ARHGAP15: variants seen among roughly 807,000 people sequenced by gnomAD.
ARHGAP15 encodes rho GTPase-activating protein 15.
In ARHGAP15, 51 loss-of-function variants were observed where a neutral mutation model predicts 63.7. The ratio of observed to expected loss-of-function variants is 0.80; its 90% CI spans 0.64 to 1.01. The LOEUF (loss-of-function observed/expected upper bound fraction) is 1.01, where lower values mean the gene tolerates loss of function less well. Ranked by LOEUF, ARHGAP15 falls within the 50% of genes least tolerant of loss-of-function variation. The pLI is 0.00. For missense variants in ARHGAP15, 560 were observed against 564.6 expected (o/e 0.99, Z 0.08); for synonymous variants, 191 against 193.8 (o/e 0.99, Z 0.12).
At chr2:143,696,079 CG>C (rs1683832428) in intron 12 of ARHGAP15, among the ~76,000 whole-genome samples, 1 of 152,052 alleles carries the variant, frequency 6.6e-6, no homozygotes, top group Non-Finnish European at 1.5e-5. Flanking sequence ...ATTTTACACT[CG>C]TTGATTTGTA....
intron 11 of ARHGAP15, among the ~76,000 whole-genome samples, chr2:143,570,172 T>A (rs1696394700): frequency 6.6e-6 from 1 of 152,204 alleles, no homozygotes; most frequent in Admixed American, 6.5e-5. Flanking sequence ...AGTAATCTAT[T>A]GTAATATAAT....
chr2:143,751,275 G>A (rs1222567218), intron 13 of ARHGAP15, among the ~76,000 whole-genome samples: 2 of 152,184 alleles, frequency 1.3e-5, no homozygotes, highest in Non-Finnish European at 2.9e-5. Flanking sequence ...ATCAGTCATT[G>A]GCCGTGGGCT....
chr2:143,747,686 T>A (rs1686222906), intron 13 of ARHGAP15, among the ~76,000 whole-genome samples: 1 of 152,196 alleles, frequency 6.6e-6, no homozygotes. Context: ...TTTAAGATTC[T>A]TCTTGTTCTT....
At chr2:143,591,765 G>A (rs958008807) in intron 11 of ARHGAP15, among the ~76,000 whole-genome samples, 7 of 151,836 alleles carry the variant, frequency 4.6e-5, no homozygotes, top group South Asian at 2.1e-4. Context: ...GATTACAGGT[G>A]CCTGCCGCCA....
intron 6 of ARHGAP15, among the ~76,000 whole-genome samples, chr2:143,352,969 T>G (rs1001436736): frequency 2.6e-5 from 4 of 152,192 alleles, no homozygotes; most frequent in African/African-American, 9.6e-5. Context: ...TTTACTTTAA[T>G]AAGTACATGA....
At chr2:143,402,664 A>C (rs1688033235) in intron 6 of ARHGAP15, among the ~76,000 whole-genome samples, 1 of 151,822 alleles carries the variant, frequency 6.6e-6, no homozygotes, top group South Asian at 2.1e-4. Context: ...GCAGATATGA[A>C]GAGACCACAA....
chr2:143,748,456 C>T (rs192865757), intron 13 of ARHGAP15, among the ~76,000 whole-genome samples: 1 of 152,190 alleles, frequency 6.6e-6, no homozygotes, highest in East Asian at 1.9e-4. Flanking sequence ...TTACTTGGCC[C>T]CACGATTATG....
intron 2 of ARHGAP15, among the ~76,000 whole-genome samples, chr2:143,185,049 T>C (rs1691387421): frequency 6.6e-6 from 1 of 152,144 alleles, no homozygotes; most frequent in South Asian, 2.1e-4. Context: ...ATTTCCTCAT[T>C]TTCCAAATGA....
chr2:143,387,586 C>G (rs1389142545), intron 6 of ARHGAP15, among the ~76,000 whole-genome samples: 3 of 152,024 alleles, frequency 2.0e-5, no homozygotes, highest in Admixed American at 1.3e-4. Context: ...GAAACAGATA[C>G]ACAGAGCAGG....
At chr2:143,166,143 G>A (rs1574036761) in intron 2 of ARHGAP15, among the ~76,000 whole-genome samples, 1 of 152,008 alleles carries the variant, frequency 6.6e-6, no homozygotes, top group African/African-American at 2.4e-5. Flanking sequence ...GTGACATCCC[G>A]ATTATTCTCA....
intron 6 of ARHGAP15, among the ~76,000 whole-genome samples, chr2:143,296,616 T>C (rs1265416030): frequency 6.6e-6 from 1 of 151,862 alleles, no homozygotes; most frequent in Non-Finnish European, 1.5e-5. Flanking sequence ...GAGATGGGGG[T>C]CTTACCAGCT....
chr2:143,738,577 G>A (rs1021915654), intron 13 of ARHGAP15, among the ~76,000 whole-genome samples: 1 of 152,166 alleles, frequency 6.6e-6, no homozygotes, highest in South Asian at 2.1e-4. Context: ...ATGTGAGATA[G>A]GTTCTCTGTA....
intron 6 of ARHGAP15, among the ~76,000 whole-genome samples, chr2:143,373,649 A>C (rs59075615): frequency 0.19 from 23,676 of 127,514 alleles, 2,846 homozygotes; most frequent in East Asian, 0.44. Context: ...AAAAAAAAAA[A>C]AAAAAAAAAA....
chr2:143,617,752 G>T (rs1304966573), intron 11 of ARHGAP15, among the ~76,000 whole-genome samples: 1 of 152,114 alleles, frequency 6.6e-6, no homozygotes, highest in Non-Finnish European at 1.5e-5. Context: ...GTCCTGGCTT[G>T]CCCCCAAGGA....
chr2:143,233,511 C>T (rs939920502), intron 5 of ARHGAP15, among the ~76,000 whole-genome samples: 28 of 151,816 alleles, frequency 1.8e-4, no homozygotes, highest in African/African-American at 6.8e-4. Context: ...TTTCTCATTA[C>T]CTTTGTTTTT....
intron 6 of ARHGAP15, among the ~76,000 whole-genome samples, chr2:143,277,436 T>C (rs967126512): frequency 1.3e-5 from 2 of 151,916 alleles, no homozygotes; most frequent in African/African-American, 4.8e-5. Context: ...GCTTGACACA[T>C]AGATGAAATG....
At chr2:143,383,285 T>A (rs756091441) in intron 6 of ARHGAP15, among the ~76,000 whole-genome samples, 1 of 152,192 alleles carries the variant, frequency 6.6e-6, no homozygotes, top group Admixed American at 6.6e-5. Context: ...TCACTTCTAT[T>A]GGAAAATGGA....
intron 6 of ARHGAP15, among the ~76,000 whole-genome samples, chr2:143,280,722 A>G (rs1201832681): frequency 6.6e-6 from 1 of 152,150 alleles, no homozygotes; most frequent in Non-Finnish European, 1.5e-5. Context: ...ACATTAGCTT[A>G]AAAAGCTAAG....
chr2:143,181,870 A>C (rs1295683828), intron 2 of ARHGAP15, among the ~76,000 whole-genome samples: 1 of 152,108 alleles, frequency 6.6e-6, no homozygotes, highest in Non-Finnish European at 1.5e-5. Flanking sequence ...CTTGACTGGC[A>C]CATAAAGCCT....
Sources: gnomAD v4.1 joint callset for allele counts (sites outside exome capture counted in the v4.1 genomes callset) on GRCh38, gnomAD v4.1.1 for gene constraint, MANE v1.5 for transcripts, NCBI Gene and HGNC (gene_info 2026-07-23, HGNC 2026-07-21) for gene names.